The following UTRN variants were observed in gnomAD, a reference collection of about 807,000 sequenced individuals.
The protein encoded by UTRN is utrophin, also known as dystrophin-related protein 1.
A neutral mutation model predicts 463.9 loss-of-function variants in UTRN; 283 were observed. That is an observed-to-expected ratio of 0.61 (90% CI 0.55 to 0.67). UTRN has a LOEUF of 0.67. UTRN is among the 30% of genes least tolerant of loss of function. UTRN has a pLI of 0.00. For missense variants in UTRN, 3,922 were observed against 4,084.3 expected (o/e 0.96, Z 1.08); for synonymous variants, 1,442 against 1,431.5 (o/e 1.01, Z -0.17).
chr6:144,500,375 G>A (rs1328970319), intron 34 of UTRN, among the ~76,000 whole-genome samples: 2 of 152,254 alleles, frequency 1.3e-5, no homozygotes, highest in Non-Finnish European at 2.9e-5. Flanking sequence ...GTGATGTTGA[G>A]CATTTTTTCG....
intron 2 of UTRN, among the ~76,000 whole-genome samples, chr6:144,378,816 G>T (rs542324401): frequency 6.6e-6 from 1 of 152,230 alleles, no homozygotes; most frequent in Non-Finnish European, 1.5e-5. Context: ...ATTGGCTTTA[G>T]GCTGGAGGCA....
intron 61 of UTRN, among the ~76,000 whole-genome samples, chr6:144,785,944 T>C (rs1776256432): frequency 6.6e-6 from 1 of 152,258 alleles, no homozygotes; most frequent in Admixed American, 6.5e-5. Context: ...TAGTCTGTAG[T>C]ACTTGGTTTA....
intron 51 of UTRN, among the ~76,000 whole-genome samples, chr6:144,587,989 C>A (rs774960537): frequency 6.6e-6 from 1 of 152,032 alleles, no homozygotes; most frequent in South Asian, 2.1e-4. Context: ...AGAAAAATGG[C>A]GTATGTAGAT....
intron 53 of UTRN, among the ~76,000 whole-genome samples, chr6:144,710,822 T>G (rs1785603729): frequency 6.6e-6 from 1 of 152,232 alleles, no homozygotes; most frequent in African/African-American, 2.4e-5. Flanking sequence ...TACCACCTAG[T>G]ATAACCCAAC....
At chr6:144,471,089 GGGGAGAGGGAGA>G (rs1252008892) in intron 23 of UTRN, among the ~76,000 whole-genome samples, 1 of 123,536 alleles carries the variant, frequency 8.1e-6, no homozygotes, top group African/African-American at 3.1e-5. Flanking sequence ...GGAGGGGGAG[GGGGAGAGGGAGA>G]GGGAGAGGGA....
At chr6:144,611,333 T>C (rs1264718648) in intron 51 of UTRN, among the ~76,000 whole-genome samples, 8 of 152,186 alleles carry the variant, frequency 5.3e-5, no homozygotes, top group South Asian at 2.1e-4. Flanking sequence ...CTATCACAAC[T>C]TCTGTTCAGC....
At chr6:144,307,166 G>A (rs917978537) in intron 2 of UTRN, among the ~76,000 whole-genome samples, 4 of 152,150 alleles carry the variant, frequency 2.6e-5, no homozygotes, top group Admixed American at 6.5e-5. Flanking sequence ...GTAGATGACG[G>A]CAGCGGAAGA....
rs1189619927 is a variant in UTRN at position 144,589,245 on chromosome 6, CTG to C, written c.7479+11959_7479+11960del. Among the ~76,000 whole-genome samples, 5 of 152,158 alleles carry C rather than the reference CTG, an allele frequency of 3.3e-5. No individual in the cohort carries two copies. The East Asian group carries it at 9.6e-4, about 29-fold the overall frequency. On this transcript the variant is annotated intron_variant, in intron 51 of 74. Coordinates refer to ENST00000367545, the MANE Select transcript of UTRN (RefSeq NM_007124.3). ...ATGGCTGACTACAACAATAGAATAA[CTG>C]TTAGCTGTTATGATGGGAAAATATC...
intron 69 of UTRN, among the ~76,000 whole-genome samples, chr6:144,832,648 A>C (rs945455998): frequency 2.6e-5 from 4 of 152,194 alleles, no homozygotes; most frequent in African/African-American, 9.7e-5. Flanking sequence ...TGGTCAAATC[A>C]TGGCCACAAG....
intron 41 of UTRN, among the ~76,000 whole-genome samples, chr6:144,523,481 T>A (rs962027372): frequency 2.0e-5 from 3 of 152,166 alleles, no homozygotes; most frequent in Non-Finnish European, 4.4e-5. Flanking sequence ...GGCTAATTTT[T>A]GTATTTTTAG....
rs531442194 is a variant in UTRN at position 144,436,490 on chromosome 6, A to T, written c.1059+352A>T. 7.9e-5 allele frequency among the ~76,000 whole-genome samples: 12 copies of T among 152,186 alleles called. No individual in the cohort carries two copies. The South Asian group carries it at 2.3e-3, about 29-fold the overall frequency. On this transcript the variant is annotated intron_variant, in intron 10 of 74. Coordinates refer to ENST00000367545, the MANE Select transcript of UTRN (RefSeq NM_007124.3). The stretch of plus-strand genomic sequence containing the variant: ...AGATTTGAGTGTTCCCTAGGAAATG[A>T]TTATTCTTTTTAATTGCATGATTAA...
chr6:144,525,785 T>TTAGACTAAAA (rs1176871065), intron 41 of UTRN, among the ~76,000 whole-genome samples: 1 of 152,156 alleles, frequency 6.6e-6, no homozygotes, highest in Non-Finnish European at 1.5e-5. Flanking sequence ...ATTGTCTATT[T>TTAGACTAAAA]GTGCTCTTTT....
chr6:144,499,164 T>C, intron 33 of UTRN, 93 bp from the exon 34 acceptor site: 1 of 1,340,180 alleles, frequency 7.5e-7, no homozygotes. Context: ...TATATATGAA[T>C]CAGTTTGGAT....
At chr6:144,756,112 T>C (rs923439834) in intron 57 of UTRN, among the ~76,000 whole-genome samples, 2 of 152,142 alleles carry the variant, frequency 1.3e-5, no homozygotes, top group African/African-American at 4.8e-5. Flanking sequence ...AAAGTCCAGA[T>C]ACCATCAATG....
Position 144,438,741 on chromosome 6 carries a change from A to G in UTRN, c.1242-4A>G. The G allele has an allele frequency of 6.2e-7, 1 of 1,614,152 alleles. No homozygotes were observed. On this transcript the variant is annotated splice_region_variant and splice_polypyrimidine_tract_variant and intron_variant, in intron 11 of 74. Coordinates refer to ENST00000367545, the MANE Select transcript of UTRN (RefSeq NM_007124.3). The stretch of plus-strand genomic sequence containing the variant: ...AGGAATAATGCTGTGTTCCCCACGG[A>G]CAGGCTGCACGATGTGCTGATGGAA...
intron 66 of UTRN, 123 bp from the exon 67 acceptor site, chr6:144,827,225 C>G (rs2128756088): frequency 8.6e-7 from 1 of 1,166,318 alleles, no homozygotes; most frequent in Middle Eastern, 2.0e-4. Flanking sequence ...TGGTGGCTCT[C>G]AGGGCAACCA....
intron 13 of UTRN, 66 bp from the exon 14 acceptor site, chr6:144,444,215 C>G: frequency 8.0e-7 from 1 of 1,254,708 alleles, no homozygotes; most frequent in Non-Finnish European, 1.1e-6. Flanking sequence ...TCATGAATTT[C>G]TTCAAGGATT....
intron 54 of UTRN, among the ~76,000 whole-genome samples, chr6:144,731,508 A>G (rs1788513681): frequency 1.3e-5 from 2 of 152,244 alleles, no homozygotes; most frequent in Non-Finnish European, 2.9e-5. Context: ...TTGTAAGGGA[A>G]GCATAGTTAG....
intron 14 of UTRN, among the ~76,000 whole-genome samples, chr6:144,445,978 G>A (rs1471656474): frequency 2.0e-5 from 3 of 152,098 alleles, no homozygotes; most frequent in Non-Finnish European, 4.4e-5. Context: ...GCAGTGATCC[G>A]AGATGGCACC....
Sources: gnomAD v4.1 joint callset for allele counts (sites outside exome capture counted in the v4.1 genomes callset) on GRCh38, gnomAD v4.1.1 for gene constraint, MANE v1.5 for transcripts, NCBI Gene and HGNC (gene_info 2026-07-23, HGNC 2026-07-21) for gene names.